Variants in KCNQ1 observed in about 807,000 individuals in gnomAD.
The protein encoded by KCNQ1 is potassium voltage-gated channel subfamily Q member 1.
A neutral mutation model predicts 72.4 loss-of-function variants in KCNQ1; 49 were observed. The observed-to-expected ratio is 0.68, with a 90% CI of 0.54 to 0.86. The LOEUF is 0.86. KCNQ1 is among the 40% of genes least tolerant of loss of function. The pLI is 0.00. For missense variants in KCNQ1, 790 were observed against 945.1 expected (o/e 0.84, Z 2.15); for synonymous variants, 450 against 412.6 (o/e 1.09, Z -1.10).
intron 1 of KCNQ1, among the ~76,000 whole-genome samples, chr11:2,467,406 G>GTTT (rs1846367915): frequency 1.3e-5 from 2 of 152,182 alleles, no homozygotes; most frequent in Non-Finnish European, 2.9e-5. Context: ...GCCAGGGATG[G>GTTT]TGTGGGGCCC....
chr11:2,693,667 A>C (rs535643464), intron 11 of KCNQ1: 4 of 398,676 alleles, frequency 1.0e-5, no homozygotes, highest in Admixed American at 4.4e-5. Flanking sequence ...AGTTCCGCAG[A>C]CAGAGCAGCC....
In KCNQ1 at chr11:2,495,401, C is replaced by T. The variant is rs112042878; in HGVS notation, c.387-32527C>T. Among the ~76,000 whole-genome samples the T allele has an allele frequency of 6.6e-6, 1 of 152,104 alleles. No homozygotes were observed. The highest frequency in any genetic ancestry group is 1.9e-4 in the East Asian group (1 of 5,168). On this transcript the variant is annotated intron_variant, in intron 1 of 15. Transcript: ENST00000155840. The surrounding 1 kb of genome is among the most constrained non-coding windows in gnomAD (Gnocchi z 4.6). ...TAGCTTTTGAATTTGTTTGCTCTTGCTTCTCTAGTTCTTTTAATTGTGATG... is the reference window on the plus strand; with the variant it reads ...TAGCTTTTGAATTTGTTTGCTCTTGTTTCTCTAGTTCTTTTAATTGTGATG...
chr11:2,449,706 T>G (rs534227216), intron 1 of KCNQ1, among the ~76,000 whole-genome samples: 2 of 152,110 alleles, frequency 1.3e-5, no homozygotes, highest in East Asian at 3.9e-4. Flanking sequence ...ACCGAGGGTG[T>G]CAGAGTGACA....
At position 2,830,146 on chromosome 11, in the gene KCNQ1, G is replaced by A. The variant is rs1404459098; in HGVS notation, c.1795-17621G>A. 6.6e-6 allele frequency among the ~76,000 whole-genome samples: 1 copy of A among 152,126 alleles called. No individual in the cohort carries two copies. Among genetic ancestry groups the A allele is most frequent in the African/African-American group, 2.4e-5 (1 of 41,404 alleles). ...GCCACCCTGGCTGGGAACAGCAGGTGTGTGGTGAAGGGGAAAGACCAGCAG... is the reference window on the plus strand; with the variant it reads ...GCCACCCTGGCTGGGAACAGCAGGTATGTGGTGAAGGGGAAAGACCAGCAG... On this transcript the variant is annotated intron_variant, in intron 15 of 15. Transcript: ENST00000155840. This position sits in a 1 kb window ranked among gnomAD's most constrained non-coding sequence, Gnocchi z 7.7.
At chr11:2,582,369 T>A (rs1156414179) in intron 6 of KCNQ1, among the ~76,000 whole-genome samples, 1 of 152,214 alleles carries the variant, frequency 6.6e-6, no homozygotes, top group Non-Finnish European at 1.5e-5. Flanking sequence ...CCGGGGTTTG[T>A]TCTTGCCTTC....
chr11:2,523,043 G>A (rs1056859485), intron 1 of KCNQ1, among the ~76,000 whole-genome samples: 2 of 152,332 alleles, frequency 1.3e-5, no homozygotes, highest in African/African-American at 4.8e-5. Context: ...GGCAGGAGAG[G>A]CCCCTGCAGC....
In KCNQ1 at chr11:2,781,785, G is replaced by A. The variant is rs1163439728; in HGVS notation, c.1794+3748G>A. Among the ~76,000 whole-genome samples, 2 of 152,142 alleles carry A rather than the reference G, an allele frequency of 1.3e-5. No homozygotes were observed. Among genetic ancestry groups the A allele is most frequent in the Non-Finnish European group, 2.9e-5 (2 of 68,026 alleles). Reference sequence around the variant, plus strand: ...AGTTTCTTTCTTCTCTGTTTTTGCCGGAAATGTTCATGGCTGAGAGCCGGA... The same window carrying A: ...AGTTTCTTTCTTCTCTGTTTTTGCCAGAAATGTTCATGGCTGAGAGCCGGA... On this transcript the variant is annotated intron_variant, in intron 15 of 15. Coordinates refer to ENST00000155840, the MANE Select transcript of KCNQ1 (RefSeq NM_000218.3). The surrounding 1 kb of genome is among the most constrained non-coding windows in gnomAD (Gnocchi z 6.6).
In KCNQ1 at chr11:2,662,070, C is replaced by A. The variant is rs1311773840; in HGVS notation, c.1503C>A (p.Thr501=). 1 of 1,614,212 alleles carries A rather than the reference C, an allele frequency of 6.2e-7. No individual in the cohort carries two copies. The change falls in exon 11 of 16, where the codon ACC becomes ACA. Residue 501 remains threonine (T), a synonymous_variant. Transcript: ENST00000155840. Reference sequence around the variant, plus strand: ...GGGAGACTCTGCTGACACCCATCACCCACATCTCACAGTGAGTGCCTACAT... The same window carrying A: ...GGGAGACTCTGCTGACACCCATCACACACATCTCACAGTGAGTGCCTACAT... ...LEGETLLTPI[T]HISQLREHHR...
chr11:2,778,162 T>TCCCAAGCAGGCTGA, intron 15 of KCNQ1, 125 bp downstream of exon 15: 1 of 934,020 alleles, frequency 1.1e-6, no homozygotes, highest in Middle Eastern at 2.9e-4. Context: ...CAGTGCCTAC[T>TCCCAAGCAGGCTGA]GCAGCCTGCC....
At chr11:2,466,676 C>T (rs1368707060) in intron 1 of KCNQ1, among the ~76,000 whole-genome samples, 1 of 152,172 alleles carries the variant, frequency 6.6e-6, no homozygotes, top group African/African-American at 2.4e-5. Context: ...GGCCAGGCTT[C>T]AGATATGCTG....
intron 10 of KCNQ1, chr11:2,629,029 C>G (rs1027545256): frequency 4.0e-5 from 16 of 398,110 alleles, no homozygotes; most frequent in Non-Finnish European, 7.1e-5. Flanking sequence ...TGTGTAATAT[C>G]TTTCACTTTG....
At chr11:2,607,805 T>A (rs1303763638) in intron 10 of KCNQ1, among the ~76,000 whole-genome samples, 1 of 152,344 alleles carries the variant, frequency 6.6e-6, no homozygotes, top group East Asian at 1.9e-4. Flanking sequence ...CTGAAATAAG[T>A]CCCATTTGGT....
intron 10 of KCNQ1, chr11:2,644,375 A>G (rs570779485): frequency 9.0e-5 from 36 of 398,116 alleles, no homozygotes; most frequent in Non-Finnish European, 1.5e-4. Flanking sequence ...GAAGCTTTCA[A>G]ATATGTTTTT....
intron 1 of KCNQ1, chr11:2,461,315 T>G (rs1846273990): frequency 4.5e-5 from 37 of 818,378 alleles, no homozygotes; most frequent in East Asian, 6.4e-5. Context: ...TCGCAGCAGA[T>G]TTGTAGTCTG....
intron 15 of KCNQ1, among the ~76,000 whole-genome samples, chr11:2,814,330 T>C (rs562571369): frequency 7.0e-6 from 1 of 143,822 alleles, no homozygotes; most frequent in East Asian, 2.1e-4. Flanking sequence ...TCGATGGGTG[T>C]GTGGGTGGGT....
At chr11:2,523,478 G>C (rs1232567635) in intron 1 of KCNQ1, among the ~76,000 whole-genome samples, 1 of 152,220 alleles carries the variant, frequency 6.6e-6, no homozygotes. Context: ...GGGATTGCAG[G>C]TGTGAGCCGC....
At chr11:2,554,265 T>C (rs539841910) in intron 2 of KCNQ1, among the ~76,000 whole-genome samples, 14 of 152,182 alleles carry the variant, frequency 9.2e-5, no homozygotes, top group Non-Finnish European at 1.9e-4. Context: ...CATGTGGAGG[T>C]ATCTGGGCCT....
chr11:2,491,499 G>C lies in KCNQ1; in HGVS notation c.387-36429G>C, dbSNP rs879269694. Among the ~76,000 whole-genome samples the C allele has an allele frequency of 1.3e-5, 2 of 152,128 alleles. No individual in the cohort carries two copies. The highest frequency in any genetic ancestry group is 4.8e-5 in the African/African-American group (2 of 41,442). ...AACAGCATTGATCAAGAACAAAAAA[G>C]AATTAGTAAGCTTGAAGACAGGATA... is the stretch of plus-strand genomic sequence containing the variant. On this transcript the variant is annotated intron_variant, in intron 1 of 15. Coordinates refer to ENST00000155840, the MANE Select transcript of KCNQ1 (RefSeq NM_000218.3). This position sits in a 1 kb window ranked among gnomAD's most constrained non-coding sequence, Gnocchi z 4.1.
chr11:2,685,278 T>C, intron 11 of KCNQ1: 1 of 398,672 alleles, frequency 2.5e-6, no homozygotes, highest in Non-Finnish European at 4.4e-6. Flanking sequence ...CACTGTGTCT[T>C]GCCCACAAAC....
Sources: allele counts gnomAD v4.1 joint callset (sites outside exome capture counted in the v4.1 genomes callset), GRCh38; gene constraint gnomAD v4.1.1; non-coding constraint Gnocchi (gnomAD v3.1); transcripts MANE v1.5; gene names NCBI Gene and HGNC (gene_info 2026-07-23, HGNC 2026-07-21).